CSMD3: variants seen among roughly 807,000 people sequenced by gnomAD.
CSMD3 encodes the protein CUB and Sushi multiple domains 3.
A neutral mutation model predicts 435.2 loss-of-function variants in CSMD3; 177 were observed. The observed-to-expected ratio is 0.41, with a 90% CI of 0.36 to 0.46. The LOEUF is 0.46. Ranked by LOEUF, CSMD3 falls within the 20% of genes least tolerant of loss-of-function variation. The pLI is 0.34. For missense variants in CSMD3, 4,265 were observed against 4,504.6 expected (o/e 0.95, Z 1.52); for synonymous variants, 1,656 against 1,520.5 (o/e 1.09, Z -2.07).
intron 6 of CSMD3, among the ~76,000 whole-genome samples, chr8:113,015,705 T>G (rs1325547800): frequency 6.6e-6 from 1 of 151,878 alleles, no homozygotes; most frequent in Non-Finnish European, 1.5e-5. Flanking sequence ...ATAAAAATAC[T>G]TTTAATTAAA....
intron 32 of CSMD3, among the ~76,000 whole-genome samples, chr8:112,419,359 G>T (rs1436231010): frequency 6.6e-6 from 1 of 152,044 alleles, no homozygotes; most frequent in African/African-American, 2.4e-5. Flanking sequence ...GACCATTCTG[G>T]CTCTGAAAAA....
intron 35 of CSMD3, among the ~76,000 whole-genome samples, chr8:112,393,686 C>A (rs1830630641): frequency 6.6e-6 from 1 of 152,122 alleles, no homozygotes; most frequent in African/African-American, 2.4e-5. Flanking sequence ...CTTTTGTCCT[C>A]ACTACTCTGG....
chr8:113,353,147 G>C (rs891414130), intron 1 of CSMD3, among the ~76,000 whole-genome samples: 15 of 152,142 alleles, frequency 9.9e-5, no homozygotes, highest in African/African-American at 3.6e-4. Flanking sequence ...CTGATGGATT[G>C]GATGTGAAGA....
intron 6 of CSMD3, among the ~76,000 whole-genome samples, chr8:112,994,881 C>G (rs2085587816): frequency 6.6e-6 from 1 of 151,468 alleles, no homozygotes; most frequent in East Asian, 1.9e-4. Context: ...AATGATGTAT[C>G]ACCAGTGTTA....
At chr8:112,322,074 T>G (rs1008326299) in intron 45 of CSMD3, among the ~76,000 whole-genome samples, 2 of 152,148 alleles carry the variant, frequency 1.3e-5, no homozygotes, top group African/African-American at 2.4e-5. Flanking sequence ...TTGTCTGATC[T>G]TACCAGAGAA....
At chr8:112,625,606 G>A (rs370024470) in intron 22 of CSMD3, among the ~76,000 whole-genome samples, 1 of 151,974 alleles carries the variant, frequency 6.6e-6, no homozygotes, top group African/African-American at 2.4e-5. Context: ...ACTGTTTGTC[G>A]ACTGATTAAA....
chr8:113,233,668 A>G (rs1003661203), intron 3 of CSMD3, among the ~76,000 whole-genome samples: 2 of 152,030 alleles, frequency 1.3e-5, no homozygotes, highest in South Asian at 2.1e-4. Flanking sequence ...TAAGCTGTTT[A>G]TAAGAAACAC....
At chr8:113,237,237 T>G (rs575777129) in intron 3 of CSMD3, among the ~76,000 whole-genome samples, 1 of 152,258 alleles carries the variant, frequency 6.6e-6, no homozygotes, top group East Asian at 1.9e-4. Context: ...CAATATGGAT[T>G]TGCTTCAAGG....
chr8:113,026,275 G>A (rs2086873059), intron 5 of CSMD3, among the ~76,000 whole-genome samples: 1 of 152,214 alleles, frequency 6.6e-6, no homozygotes, highest in South Asian at 2.1e-4. Context: ...GGGGAACAGA[G>A]TGGCAGAGAT....
chr8:112,732,527 T>G (rs577539107), intron 13 of CSMD3, among the ~76,000 whole-genome samples: 8 of 151,910 alleles, frequency 5.3e-5, no homozygotes, highest in Non-Finnish European at 1.0e-4. Flanking sequence ...GGTCAGGAGT[T>G]TGACACCAAC....
At chr8:113,431,788 C>T (rs2927869) in intron 1 of CSMD3, among the ~76,000 whole-genome samples, 36,276 of 150,806 alleles carry the variant, frequency 0.24, 4,669 homozygotes, top group Non-Finnish European at 0.3. Context: ...TGTTTATCAG[C>T]TTTCACTTAT....
intron 67 of CSMD3, among the ~76,000 whole-genome samples, chr8:112,235,432 CAAA>C (rs943610726): frequency 1.3e-5 from 2 of 151,690 alleles, no homozygotes; most frequent in African/African-American, 4.8e-5. Flanking sequence ...ACAACAACAA[CAAA>C]AAACAGCATT....
At chr8:113,316,506 C>A (rs1007657496) in intron 1 of CSMD3, among the ~76,000 whole-genome samples, 2 of 150,972 alleles carry the variant, frequency 1.3e-5, no homozygotes, top group African/African-American at 4.9e-5. Context: ...ACAATAGCAC[C>A]TTGTTTTTGC....
intron 59 of CSMD3, among the ~76,000 whole-genome samples, chr8:112,272,204 T>A (rs192432545): frequency 6.6e-6 from 1 of 152,304 alleles, no homozygotes; most frequent in East Asian, 1.9e-4. Flanking sequence ...TAACCCTGTC[T>A]CAGGAATTTT....
intron 5 of CSMD3, among the ~76,000 whole-genome samples, chr8:113,057,893 C>T (rs1350661249): frequency 6.6e-6 from 1 of 151,650 alleles, no homozygotes; most frequent in African/African-American, 2.4e-5. Flanking sequence ...TGGTAGATAA[C>T]TATGGTATTG....
chr8:112,405,228 T>TATATATATATATATATATATAC (rs1831720715), intron 35 of CSMD3, among the ~76,000 whole-genome samples: 1 of 100,060 alleles, frequency 1.0e-5, no homozygotes, highest in African/African-American at 4.9e-5. Context: ...TATATATATA[T>TATATATATATATATATATATAC]ATATATATAT....
intron 16 of CSMD3, among the ~76,000 whole-genome samples, chr8:112,674,373 T>G (rs190502399): frequency 2.7e-4 from 41 of 152,260 alleles, no homozygotes; most frequent in Non-Finnish European, 5.3e-4. Flanking sequence ...CTGGTGCCTC[T>G]CTTTTGTCAG....
At chr8:112,823,688 G>C (rs543950006) in intron 12 of CSMD3, among the ~76,000 whole-genome samples, 11 of 152,198 alleles carry the variant, frequency 7.2e-5, no homozygotes, top group African/African-American at 2.6e-4. Context: ...CTGAGAGACT[G>C]TTTGTTATGA....
intron 35 of CSMD3, among the ~76,000 whole-genome samples, chr8:112,392,565 A>C (rs1377662873): frequency 2.0e-5 from 3 of 151,858 alleles, no homozygotes; most frequent in Non-Finnish European, 4.4e-5. Flanking sequence ...TAGAACAAAA[A>C]CGTAATTGAT....
Sources: allele counts gnomAD v4.1 joint callset (sites outside exome capture counted in the v4.1 genomes callset), GRCh38; gene constraint gnomAD v4.1.1; transcripts MANE v1.5; gene names NCBI Gene and HGNC (gene_info 2026-07-23, HGNC 2026-07-21).